SUGCT: variants seen among roughly 807,000 people sequenced by gnomAD.
SUGCT encodes the protein succinyl-CoA:glutarate-CoA transferase.
SUGCT carries 41 observed loss-of-function variants against 55.0 expected under a neutral mutation model. The observed-to-expected ratio is 0.74, with a 90% CI of 0.58 to 0.97. The LOEUF (loss-of-function observed/expected upper bound fraction) is 0.97. SUGCT is among the 50% of genes least tolerant of loss of function. The pLI is 0.00. For synonymous variants in SUGCT, 187 were observed against 200.4 expected, an observed-to-expected ratio of 0.93 and a Z score of 0.56; for missense variants, 568 against 547.8, an observed-to-expected ratio of 1.04 and a Z score of -0.37.
chr7:40,838,757 T>C (rs1474610023), intron 13 of SUGCT, among the ~76,000 whole-genome samples: 2 of 152,210 alleles, frequency 1.3e-5, no homozygotes, highest in Non-Finnish European at 2.9e-5. Flanking sequence ...TATTGCCTTA[T>C]TACTGGGCTA....
intron 12 of SUGCT, among the ~76,000 whole-genome samples, chr7:40,524,144 A>C (rs1486948323): frequency 6.6e-6 from 1 of 152,106 alleles, no homozygotes; most frequent in Non-Finnish European, 1.5e-5. Context: ...TTAGTTTATT[A>C]GTATTATTTG....
At chr7:40,378,448 A>G (rs567160028) in intron 9 of SUGCT, among the ~76,000 whole-genome samples, 1 of 152,200 alleles carries the variant, frequency 6.6e-6, no homozygotes, top group Admixed American at 6.5e-5. Context: ...AACTCCAGAT[A>G]CTCTGTTCAG....
chr7:40,153,167 A>G (rs1788671359), intron 1 of SUGCT: 1 of 280,952 alleles, frequency 3.6e-6, no homozygotes. Context: ...TTAGATTCAC[A>G]CATCTTAGAT....
At chr7:40,379,704 C>T (rs1320241219) in intron 9 of SUGCT, among the ~76,000 whole-genome samples, 1 of 152,170 alleles carries the variant, frequency 6.6e-6, no homozygotes, top group Non-Finnish European at 1.5e-5. Context: ...GCTTGCCTTC[C>T]ATGCTCAGCC....
In SUGCT at chr7:40,356,589, A is replaced by G. The variant is rs1045052444; in HGVS notation, c.816+39734A>G. Among the ~76,000 whole-genome samples the G allele has an allele frequency of 3.9e-5, 6 of 152,220 alleles. No individual in the cohort carries two copies. The South Asian group carries it at 1.0e-3, about 26-fold the overall frequency. On this transcript the variant is annotated intron_variant, in intron 9 of 13. Coordinates refer to ENST00000335693, the MANE Select transcript of SUGCT (RefSeq NM_001193313.2). ...TCTGAAAAGTACTTGCTGGTGAATA[A>G]TACGATGAATAACCATAGGCTCTGA...
the SUGCT span, among the ~76,000 whole-genome samples, chr7:40,888,794 G>A: frequency 6.6e-6 from 1 of 152,276 alleles, no homozygotes; most frequent in South Asian, 2.1e-4. Context: ...GAGGTGTCAA[G>A]TAGGAAGTCT....
At chr7:40,562,203 G>A (rs995802178) in intron 12 of SUGCT, among the ~76,000 whole-genome samples, 6 of 151,742 alleles carry the variant, frequency 4.0e-5, no homozygotes, top group Non-Finnish European at 8.8e-5. Context: ...GGAGGCTGAG[G>A]CAGGAGAATG....
At chr7:40,681,694 T>G (rs1723958646) in intron 12 of SUGCT, among the ~76,000 whole-genome samples, 2 of 152,098 alleles carry the variant, frequency 1.3e-5, no homozygotes, top group Non-Finnish European at 2.9e-5. Flanking sequence ...CCATATACAT[T>G]GGTTTGACCT....
the SUGCT span, among the ~76,000 whole-genome samples, chr7:40,956,674 TG>T: frequency 1.7e-5 from 1 of 57,310 alleles, no homozygotes; most frequent in Non-Finnish European, 4.0e-5. Flanking sequence ...GTTTGGAATT[TG>T]TTTGCTCTTC....
intron 9 of SUGCT, among the ~76,000 whole-genome samples, chr7:40,321,130 G>A (rs1419149130): frequency 1.2e-5 from 1 of 83,666 alleles, no homozygotes; most frequent in African/African-American, 3.1e-5. Flanking sequence ...AGGCTGGAGT[G>A]TATGGTGCGA....
intron 12 of SUGCT, among the ~76,000 whole-genome samples, chr7:40,507,801 C>A (rs565640683): frequency 6.6e-6 from 1 of 152,140 alleles, no homozygotes; most frequent in African/African-American, 2.4e-5. Flanking sequence ...TTTGATTACC[C>A]CTTCTTGGTA....
chr7:40,984,562 G>T, the SUGCT span, among the ~76,000 whole-genome samples: 933 of 152,216 alleles, frequency 6.1e-3, 11 homozygotes, highest in African/African-American at 0.021. Context: ...AAGTCGGGCA[G>T]ATAGGACTTG....
At chr7:40,599,190 T>C (rs543356581) in intron 12 of SUGCT, among the ~76,000 whole-genome samples, 379 of 152,244 alleles carry the variant, frequency 2.5e-3, no homozygotes, top group African/African-American at 9.0e-3. Context: ...TGCTCGAGAT[T>C]TGCTTGCTAC....
intron 12 of SUGCT, among the ~76,000 whole-genome samples, chr7:40,637,146 C>A (rs913650146): frequency 2.0e-5 from 3 of 152,148 alleles, no homozygotes; most frequent in Non-Finnish European, 4.4e-5. Flanking sequence ...AATTTTGTTT[C>A]CCTCCAGGGA....
chr7:40,907,475 G>A, the SUGCT span, among the ~76,000 whole-genome samples: 3 of 152,170 alleles, frequency 2.0e-5, no homozygotes, highest in Non-Finnish European at 2.9e-5. Context: ...TCTGTCAGGC[G>A]CTAGCCTTGT....
chr7:40,496,922 A>T (rs530307471), intron 12 of SUGCT, among the ~76,000 whole-genome samples: 8 of 151,490 alleles, frequency 5.3e-5, no homozygotes, highest in African/African-American at 1.9e-4. Flanking sequence ...TTTTACACAG[A>T]TAGATATTTG....
chr7:40,513,365 A>G (rs570529665), intron 12 of SUGCT, among the ~76,000 whole-genome samples: 22 of 152,238 alleles, frequency 1.4e-4, no homozygotes, highest in African/African-American at 5.3e-4. Context: ...TAGTATATGG[A>G]TATGTGTGGG....
chr7:40,352,730 T>C (rs1797698143), intron 9 of SUGCT, among the ~76,000 whole-genome samples: 1 of 152,222 alleles, frequency 6.6e-6, no homozygotes, highest in South Asian at 2.1e-4. Flanking sequence ...AGTAATGCGA[T>C]GAACATACGC....
chr7:40,716,565 ACTATT>A (rs1786036212), intron 12 of SUGCT, among the ~76,000 whole-genome samples: 1 of 152,246 alleles, frequency 6.6e-6, no homozygotes, highest in African/African-American at 2.4e-5. Context: ...GCACAAAAGA[ACTATT>A]CAATAAATAT....
Sources: allele counts gnomAD v4.1 joint callset (sites outside exome capture counted in the v4.1 genomes callset), GRCh38; gene constraint gnomAD v4.1.1; transcripts MANE v1.5; gene names NCBI Gene and HGNC (gene_info 2026-07-23, HGNC 2026-07-21).